The following GRM1 variants were observed in gnomAD, a reference collection of about 807,000 sequenced individuals.
The protein encoded by GRM1 is glutamate metabotropic receptor 1, also known as metabotropic glutamate receptor 1.
In GRM1, 33 loss-of-function variants were observed where a neutral mutation model predicts 90.9. The observed-to-expected ratio is 0.36, with a 90% CI of 0.28 to 0.49. The LOEUF is 0.49. Among genes scored for constraint, GRM1 ranks in the 20% least tolerant of loss-of-function variants. The pLI is 0.99. For missense variants in GRM1, 1,190 were observed against 1,534.3 expected (o/e 0.78, Z 3.75); for synonymous variants, 700 against 613.2 (o/e 1.14, Z -2.09).
chr6:146,412,135 T>G (rs1188772051), intron 7 of GRM1, among the ~76,000 whole-genome samples: 1 of 152,212 alleles, frequency 6.6e-6, no homozygotes, highest in Non-Finnish European at 1.5e-5. Flanking sequence ...TACAAGTCTA[T>G]TGATATATGT....
At chr6:146,267,426 A>G (rs967511243) in intron 2 of GRM1, among the ~76,000 whole-genome samples, 2 of 152,184 alleles carry the variant, frequency 1.3e-5, no homozygotes, top group Non-Finnish European at 2.9e-5. Flanking sequence ...GGGTTCTCTT[A>G]GAGGGTCAGA....
At chr6:146,422,228 C>A (rs1778021322) in intron 7 of GRM1, among the ~76,000 whole-genome samples, 1 of 152,070 alleles carries the variant, frequency 6.6e-6, no homozygotes, top group South Asian at 2.1e-4. Context: ...CTGTTCCTGA[C>A]AAATCCATTC....
At chr6:146,352,890 G>T (rs549111171) in intron 4 of GRM1, among the ~76,000 whole-genome samples, 177 of 152,198 alleles carry the variant, frequency 1.2e-3, no homozygotes, top group Non-Finnish European at 2.3e-3. Flanking sequence ...TACCATTCTG[G>T]TTATGAAATA....
At chr6:146,420,231 G>A (rs1025878419) in intron 7 of GRM1, among the ~76,000 whole-genome samples, 1 of 152,182 alleles carries the variant, frequency 6.6e-6, no homozygotes, top group African/African-American at 2.4e-5. Flanking sequence ...TGACAAAATT[G>A]AAGACTCAAA....
intron 1 of GRM1, among the ~76,000 whole-genome samples, chr6:146,120,863 A>G (rs1174000494): frequency 6.6e-6 from 1 of 152,150 alleles, no homozygotes; most frequent in Non-Finnish European, 1.5e-5. Flanking sequence ...GGATTTTTGC[A>G]TCGATGTTCA....
chr6:146,235,289 T>C (rs1301705586), intron 2 of GRM1, among the ~76,000 whole-genome samples: 1 of 152,184 alleles, frequency 6.6e-6, no homozygotes, highest in African/African-American at 2.4e-5. Flanking sequence ...AAAAATGTTT[T>C]TGTTATTCCT....
chr6:146,265,607 C>CCA (rs1376831346), intron 2 of GRM1, among the ~76,000 whole-genome samples: 2 of 152,120 alleles, frequency 1.3e-5, no homozygotes, highest in Admixed American at 6.5e-5. Context: ...TTTGCCTAGG[C>CCA]CAATGTCTAG....
intron 1 of GRM1, among the ~76,000 whole-genome samples, chr6:146,057,271 A>T (rs1582939026): frequency 1.3e-5 from 2 of 152,238 alleles, no homozygotes; most frequent in African/African-American, 4.8e-5. Context: ...CCACTTTTCA[A>T]TGTAGAACTT....
intron 1 of GRM1, among the ~76,000 whole-genome samples, chr6:146,100,697 T>C (rs2128870346): frequency 6.6e-6 from 1 of 152,370 alleles, no homozygotes; most frequent in Non-Finnish European, 1.5e-5. Flanking sequence ...CTTATTTTTC[T>C]TGGTTAACTT....
chr6:146,209,631 G>C (rs1056198026), intron 2 of GRM1, among the ~76,000 whole-genome samples: 1 of 152,088 alleles, frequency 6.6e-6, no homozygotes, highest in Non-Finnish European at 1.5e-5. Flanking sequence ...ACAGAATGAT[G>C]GTTAGGGATG....
intron 1 of GRM1, among the ~76,000 whole-genome samples, chr6:146,072,071 C>T (rs976788866): frequency 1.3e-5 from 2 of 152,056 alleles, no homozygotes; most frequent in South Asian, 4.1e-4. Context: ...TCTGTCTCAA[C>T]CATTTCAAAT....
At chr6:146,124,201 A>T (rs1186230606) in intron 1 of GRM1, among the ~76,000 whole-genome samples, 1 of 152,236 alleles carries the variant, frequency 6.6e-6, no homozygotes, top group South Asian at 2.1e-4. Flanking sequence ...GAACAATGTA[A>T]TGCTTTCCAA....
intron 1 of GRM1, among the ~76,000 whole-genome samples, chr6:146,086,327 G>C (rs1338760813): frequency 6.6e-6 from 1 of 152,056 alleles, no homozygotes. Flanking sequence ...CTTTCTCTCT[G>C]AGGACAAAAC....
rs573149061 is a variant in GRM1, at chr6:146,348,648, G to A, written c.1187-3602G>A. On this transcript the variant is annotated intron_variant, in intron 3 of 7. Coordinates refer to ENST00000282753, the MANE Select transcript of GRM1 (RefSeq NM_001278064.2). ...CCCAGGAGCATGTATCTAGCCTCCC[G>A]GCTCTCTATATGACACTGACAGAAT... 1.3e-4 allele frequency among the ~76,000 whole-genome samples: 20 copies of A among 152,280 alleles called. No homozygotes were observed. In the South Asian group the frequency reaches 3.7e-3, roughly 28 times the overall value.
rs1015604819 is a variant in GRM1, at chr6:146,437,319, C to T, written c.*2523C>T. 3.9e-5 allele frequency: 6 copies of T among 152,530 alleles called. No individual in the cohort carries two copies. The highest frequency in any genetic ancestry group is 3.9e-4 in the East Asian group (2 of 5,190). 9.4% of individuals were successfully genotyped at this position (152,530 alleles called of 1,614,324 possible). A position where few individuals can be genotyped will look rare whatever the true frequency, so the allele number is the denominator to read the frequency against. On this transcript the variant is annotated 3_prime_UTR_variant, in exon 8 of 8. Coordinates refer to ENST00000282753, the MANE Select transcript of GRM1 (RefSeq NM_001278064.2). ...GTTGGTCTAAGACTTTTGGTGAACA[C>T]GTTCATTCAACTGTGATCACTTTAT... is the stretch of plus-strand genomic sequence containing the variant.
intron 5 of GRM1, among the ~76,000 whole-genome samples, chr6:146,365,768 T>G (rs1775662700): frequency 6.6e-6 from 1 of 152,146 alleles, no homozygotes; most frequent in Admixed American, 6.6e-5. Flanking sequence ...GGACCTTACC[T>G]GACCACCATA....
At chr6:146,392,999 T>C (rs1285344248) in intron 6 of GRM1, among the ~76,000 whole-genome samples, 1 of 152,232 alleles carries the variant, frequency 6.6e-6, no homozygotes, top group Non-Finnish European at 1.5e-5. Flanking sequence ...TACATACCTG[T>C]GCATGTGTCT....
chr6:146,297,701 C>A (rs1200093494), intron 2 of GRM1, among the ~76,000 whole-genome samples: 1 of 152,094 alleles, frequency 6.6e-6, no homozygotes, highest in Non-Finnish European at 1.5e-5. Context: ...TTTGAAAAGT[C>A]ACAAATTGCT....
At chr6:146,269,059 G>A (rs1782019565) in intron 2 of GRM1, among the ~76,000 whole-genome samples, 1 of 152,086 alleles carries the variant, frequency 6.6e-6, no homozygotes, top group Admixed American at 6.5e-5. Flanking sequence ...AGGTACTCAA[G>A]ATCAGTAAGT....
Sources: allele counts gnomAD v4.1 joint callset (sites outside exome capture counted in the v4.1 genomes callset), GRCh38; gene constraint gnomAD v4.1.1; transcripts MANE v1.5; gene names NCBI Gene and HGNC (gene_info 2026-07-23, HGNC 2026-07-21).